The following LARP6 variants were observed in gnomAD, a reference collection of about 807,000 sequenced individuals.
LARP6 encodes the protein la-related protein 6.
In LARP6, 18 loss-of-function variants were observed where a neutral mutation model predicts 32.8. The ratio of observed to expected loss-of-function variants is 0.55; its 90% CI spans 0.38 to 0.81. The LOEUF is 0.81. LARP6 is among the 40% of genes least tolerant of loss of function. The probability of loss-of-function intolerance (pLI) is 0.00; values close to 1 mark genes in which losing one functional copy is unlikely to be tolerated. For synonymous variants in LARP6, 289 were observed against 267.2 expected (o/e 1.08, Z -0.80); for missense variants, 598 against 663.1 (o/e 0.90, Z 1.08).
chr15:70,830,086 G>A lies in LARP6; in HGVS notation c.*1966C>T, dbSNP rs2032013861. On this transcript the variant is annotated 3_prime_UTR_variant, in exon 3 of 3. Coordinates refer to ENST00000299213, the MANE Select transcript of LARP6 (RefSeq NM_018357.4). ...GGGGCCCTGACATTGCCCAAGGTCAGGAGTCCTGGTGGTCTAGGCACAAGC... is the reference window on the plus strand; with the variant it reads ...GGGGCCCTGACATTGCCCAAGGTCAAGAGTCCTGGTGGTCTAGGCACAAGC... The A allele has an allele frequency of 6.6e-6, 1 of 152,366 alleles. No individual in the cohort carries two copies. The highest frequency in any genetic ancestry group is 2.1e-4 in the South Asian group (1 of 4,830). 9.4% of individuals were successfully genotyped at this position (152,366 alleles called of 1,614,324 possible).
intron 1 of LARP6, among the ~76,000 whole-genome samples, chr15:70,843,584 C>A (rs1436542137): frequency 6.6e-6 from 1 of 151,612 alleles, no homozygotes; most frequent in Non-Finnish European, 1.5e-5. Context: ...CCCTAAATAA[C>A]CCCTTCTTCA....
intron 1 of LARP6, among the ~76,000 whole-genome samples, chr15:70,850,036 A>G (rs1367619769): frequency 2.0e-5 from 3 of 152,250 alleles, no homozygotes; most frequent in Non-Finnish European, 2.9e-5. Flanking sequence ...GGTAAGGATC[A>G]TCAATAGATG....
rs984282099 is a variant in LARP6, at chr15:70,832,527, G to A, written c.1001C>T (p.Ser334Phe). 8.4e-6 allele frequency: 13 copies of A among 1,544,692 alleles called. No individual in the cohort carries two copies. Among genetic ancestry groups the A allele is most frequent in the African/African-American group, 1.4e-5 (1 of 72,344 alleles). The change falls in exon 3 of 3, where the codon TCT becomes TTT. Residue 334 changes from serine to phenylalanine, a missense_variant. By Grantham distance (155) the Ser-to-Phe change is radical (BLOSUM62 -2). Coordinates refer to ENST00000299213, the MANE Select transcript of LARP6 (RefSeq NM_018357.4). Reference protein sequence around the residue: ...VEELQYMGDESSANSSSDPES... With the variant: ...VEELQYMGDEFSANSSSDPES... ...GGGGTCAGAGGAGCTGTTGGCAGAA[G>A]ACTCATCACCCATGTACTGAAGCTC...
rs1028787323 is a variant in LARP6 at position 70,848,025 on chromosome 15, T to C, written c.200+5864A>G. On this transcript the variant is annotated intron_variant, in intron 1 of 2. Transcript: ENST00000299213. ...CTTTTGACTCACCTCTAGAACAAGA[T>C]AATGAATGTGAAATGGTTCAAAAAG... 1.7e-4 allele frequency among the ~76,000 whole-genome samples: 26 copies of C among 152,222 alleles called. 1 individual carries two copies. Among genetic ancestry groups the C allele is most frequent in the Admixed American group, 8.5e-4 (13 of 15,286 alleles).
intron 1 of LARP6, among the ~76,000 whole-genome samples, chr15:70,850,572 G>C (rs2032430540): frequency 1.3e-5 from 2 of 152,190 alleles, no homozygotes; most frequent in East Asian, 3.8e-4. Flanking sequence ...TACATCAACA[G>C]AACCCAGGAT....
At position 70,832,508 on chromosome 15, in the gene LARP6, AGAG is replaced by A. The variant is rs2032066321; in HGVS notation, c.1017_1019del (p.Ser340del). 6.5e-7 allele frequency: 1 copy of A among 1,542,330 alleles called. No homozygotes were observed. Among genetic ancestry groups the A allele is most frequent in the South Asian group, 1.3e-5 (1 of 77,668 alleles). On this transcript the variant is annotated inframe_deletion, in exon 3 of 3. Transcript: ENST00000299213. ...GGGATGTGGGGTTGCTCTCGGGGTC[AGAG>A]GAGCTGTTGGCAGAAGACTCATCAC...
intron 1 of LARP6, chr15:70,851,826 G>C (rs999474814): frequency 1.3e-6 from 2 of 1,562,810 alleles, no homozygotes; most frequent in Non-Finnish European, 1.7e-6. Context: ...GCCAGCTCTG[G>C]GGTGGGGATT....
Position 70,832,534 on chromosome 15 carries a change from C to T in LARP6, c.994G>A (p.Asp332Asn). 4 of 1,548,390 alleles carry T rather than the reference C, an allele frequency of 2.6e-6. No individual in the cohort carries two copies. The highest frequency in any genetic ancestry group is 3.5e-6 in the Non-Finnish European group (4 of 1,151,868). Residue 332 changes from aspartate to asparagine, a missense_variant, in exon 3 of 3, where the codon GAT becomes AAT. By Grantham distance (23) the Asp-to-Asn change is conservative (BLOSUM62 1). Transcript: ENST00000299213. Reference sequence around the variant, plus strand: ...GAGGAGCTGTTGGCAGAAGACTCATCACCCATGTACTGAAGCTCCTCGACT... The same window carrying T: ...GAGGAGCTGTTGGCAGAAGACTCATTACCCATGTACTGAAGCTCCTCGACT... Reference protein sequence around the residue: ...KRVEELQYMGDESSANSSSDP... With the variant: ...KRVEELQYMGNESSANSSSDP...
chr15:70,836,307 T>G lies in LARP6; in HGVS notation c.399A>C (p.Thr133=). 1 of 1,614,114 alleles carries G rather than the reference T, an allele frequency of 6.2e-7. No individual in the cohort carries two copies. Among genetic ancestry groups the G allele is most frequent in the Admixed American group, 1.7e-5 (1 of 60,032 alleles). The part of the protein sequence containing the change: ...KLGYVSVKLL[T]SFKKVKHLTR... ...AACCAAGCCTCACCTTTTTGAAGGA[T>G]GTGAGTAGCTTAACGCTCACATATC... The change falls in exon 2 of 3, where the codon ACA becomes ACC. Residue 133 remains threonine, a synonymous_variant. Coordinates refer to ENST00000299213, the MANE Select transcript of LARP6 (RefSeq NM_018357.4).
At chr15:70,844,367 CT>C (rs2032311777) in intron 1 of LARP6, among the ~76,000 whole-genome samples, 2 of 151,990 alleles carry the variant, frequency 1.3e-5, no homozygotes, top group Admixed American at 1.3e-4. Context: ...TATTGTCCTA[CT>C]CTCTCTTCCA....
chr15:70,839,057 G>A (rs1416300659), intron 1 of LARP6, among the ~76,000 whole-genome samples: 1 of 152,110 alleles, frequency 6.6e-6, no homozygotes, highest in African/African-American at 2.4e-5. Context: ...ATAGGCATTG[G>A]TTGATTAAAA....
At chr15:70,852,081 G>A in intron 1 of LARP6, 3 of 353,712 alleles carry the variant, frequency 8.5e-6, no homozygotes, top group Non-Finnish European at 1.1e-5. Flanking sequence ...GTTTTCTCCT[G>A]TAGGCTCCAG....
rs139275643 is a variant in LARP6 at position 70,833,019 on chromosome 15, G to A, written c.509C>T (p.Thr170Ile). 5,783 of 1,613,778 alleles carry A rather than the reference G, an allele frequency of 3.6e-3. 13 individuals carry two copies. The highest frequency in any genetic ancestry group is 4.4e-3 in the South Asian group (403 of 91,042). ...GTTGGGGAACAGTGGGACGGGGGTGGTCCTCCTCACCTTCCGGTGGTCCTC... is the reference window on the plus strand; with the variant it reads ...GTTGGGGAACAGTGGGACGGGGGTGATCCTCCTCACCTTCCGGTGGTCCTC... ...LNEDHRKVRR[T>I]TPVPLFPNEN... The change falls in exon 3 of 3, where the codon ACC becomes ATC. Residue 170 changes from threonine to isoleucine, a missense_variant. Physicochemically the swap from Thr to Ile is moderately conservative, Grantham distance 89 (BLOSUM62 -1). Coordinates refer to ENST00000299213, the MANE Select transcript of LARP6 (RefSeq NM_018357.4).
chr15:70,841,705 T>C (rs1178433421), intron 1 of LARP6, among the ~76,000 whole-genome samples: 1 of 151,816 alleles, frequency 6.6e-6, no homozygotes, highest in African/African-American at 2.4e-5. Context: ...CAACTCTCTC[T>C]CTTGCTCCTG....
At chr15:70,842,882 G>C (rs952771962) in intron 1 of LARP6, among the ~76,000 whole-genome samples, 3 of 152,166 alleles carry the variant, frequency 2.0e-5, no homozygotes, top group African/African-American at 4.8e-5. Flanking sequence ...GCTGTCAGCA[G>C]CAACTATGCA....
Position 70,851,778 on chromosome 15 carries a change from T to C in LARP6, c.200+2111A>G, listed in dbSNP as rs2032465086. 3.7e-6 allele frequency: 6 copies of C among 1,609,062 alleles called. No homozygotes were observed. In the South Asian group the frequency reaches 6.6e-5, roughly 18 times the overall value. ...TGTGGAAGGTGCTAGGCATAAAATG[T>C]ACAGAGTACTACAGCAACAGAGAAG... On this transcript the variant is annotated intron_variant, in intron 1 of 2. Transcript: ENST00000299213.
chr15:70,853,968 G>T lies in LARP6; in HGVS notation c.121C>A (p.Arg41=). ...LEDEEEGAET[R]GAGDPARYLS... ...TACCGGGCCGGGTCCCCGGCGCCCC[G>T]AGTCTCCGCCCCCTCCTCCTCGTCC... The change falls in exon 1 of 3, where the codon CGG becomes AGG. Residue 41 remains arginine, a synonymous_variant. Coordinates refer to ENST00000299213, the MANE Select transcript of LARP6 (RefSeq NM_018357.4). 6.9e-7 allele frequency: 1 copy of T among 1,458,364 alleles called. No homozygotes were observed. 90.3% of individuals were successfully genotyped at this position (1,458,364 alleles called of 1,614,324 possible). A position where few individuals can be genotyped will look rare whatever the true frequency, so the allele number is the denominator to read the frequency against.
intron 1 of LARP6, among the ~76,000 whole-genome samples, chr15:70,837,196 C>A (rs752996409): frequency 1.4e-5 from 2 of 141,504 alleles, no homozygotes; most frequent in African/African-American, 5.0e-5. Context: ...CAGAGTGGGA[C>A]CCCTGTTGCT....
chr15:70,832,306 T>A lies in LARP6; in HGVS notation c.1222A>T (p.Thr408Ser), dbSNP rs201036735. The A allele has an allele frequency of 1.2e-6, 2 of 1,614,218 alleles. No homozygotes were observed. The highest frequency in any genetic ancestry group is 4.5e-5 in the East Asian group (2 of 44,874). Residue 408 changes from threonine (T) to serine (S), a missense_variant, in exon 3 of 3, where the codon ACC becomes TCC. Physicochemically the swap from Thr to Ser is moderately conservative, Grantham distance 58. Around this residue, in one of 3 missense-constraint regions of LARP6, gnomAD observed 368 missense variants for 397.9 expected, o/e 0.92. Transcript: ENST00000299213. ...CACTTGCGGAAGATCTCAGGGCTGG[T>A]GCTGCAGTTCAGTCTACCTTCCTCC... is the stretch of plus-strand genomic sequence containing the variant. ...LAEEGRLNCS[T>S]SPEIFRKCMD...
Sources: allele counts gnomAD v4.1 joint callset (sites outside exome capture counted in the v4.1 genomes callset), GRCh38; gene constraint gnomAD v4.1.1; regional missense constraint gnomAD v4.1.1; transcripts MANE v1.5; gene names NCBI Gene and HGNC (gene_info 2026-07-23, HGNC 2026-07-21).